Variants in CTNND2 observed in about 807,000 individuals in gnomAD.
The protein encoded by CTNND2 is catenin delta-2.
CTNND2 carries 22 observed loss-of-function variants against 144.4 expected under a neutral mutation model. The observed-to-expected ratio is 0.15, with a 90% CI of 0.11 to 0.22. The LOEUF is 0.22. CTNND2 is among the 10% of genes least tolerant of loss of function. The pLI is 1.00. For synonymous variants in CTNND2, 751 were observed against 695.6 expected (o/e 1.08, Z -1.25); for missense variants, 1,353 against 1,618.8 (o/e 0.84, Z 2.82).
intron 3 of CTNND2, among the ~76,000 whole-genome samples, chr5:11,444,152 A>T (rs919821374): frequency 1.3e-5 from 2 of 152,186 alleles, no homozygotes; most frequent in African/African-American, 4.8e-5. Context: ...GTAACAGATA[A>T]CTCAACTGAC....
intron 10 of CTNND2, among the ~76,000 whole-genome samples, chr5:11,204,633 G>T (rs1174662881): frequency 6.6e-6 from 1 of 152,064 alleles, no homozygotes; most frequent in South Asian, 2.1e-4. Flanking sequence ...CAATGAATTA[G>T]CTATCATCAT....
chr5:11,396,887 C>G, intron 6 of CTNND2, 144 bp downstream of exon 6: 1 of 682,856 alleles, frequency 1.5e-6, no homozygotes, highest in Non-Finnish European at 2.5e-6. Flanking sequence ...TCATTCACAG[C>G]ACCAAAGGGC....
At chr5:11,705,062 T>G (rs762186476) in intron 2 of CTNND2, among the ~76,000 whole-genome samples, 4 of 151,938 alleles carry the variant, frequency 2.6e-5, no homozygotes, top group Non-Finnish European at 5.9e-5. Flanking sequence ...TGTCTGAAGA[T>G]AAATCCAGAA....
intron 18 of CTNND2, among the ~76,000 whole-genome samples, chr5:11,016,182 C>T (rs763131311): frequency 1.1e-4 from 17 of 152,190 alleles, no homozygotes; most frequent in Middle Eastern, 3.4e-3. Context: ...TGCTATCTGC[C>T]GCAGTCCTGG....
At chr5:11,147,425 C>T (rs1040518839) in intron 12 of CTNND2, among the ~76,000 whole-genome samples, 2 of 152,108 alleles carry the variant, frequency 1.3e-5, no homozygotes, top group South Asian at 2.1e-4. Flanking sequence ...AAGACCTCAA[C>T]GTATAGAACA....
intron 3 of CTNND2, among the ~76,000 whole-genome samples, chr5:11,465,302 C>CTTT (rs538279094): frequency 1.4e-5 from 2 of 139,426 alleles, no homozygotes; most frequent in African/African-American, 2.6e-5. Flanking sequence ...CAAAACTGAA[C>CTTT]TTTTTTTTTT....
chr5:11,526,554 G>A (rs144563887), intron 3 of CTNND2, among the ~76,000 whole-genome samples: 6 of 152,100 alleles, frequency 3.9e-5, no homozygotes, highest in Non-Finnish European at 5.9e-5. Flanking sequence ...GTAGAATCAC[G>A]CCAGCCACCA....
At chr5:11,780,467 G>A (rs533323679) in intron 1 of CTNND2, among the ~76,000 whole-genome samples, 9 of 152,214 alleles carry the variant, frequency 5.9e-5, no homozygotes, top group Non-Finnish European at 1.3e-4. Flanking sequence ...AGCAAACTTT[G>A]CCCACAGCCA....
intron 6 of CTNND2, among the ~76,000 whole-genome samples, chr5:11,386,414 GT>G (rs1259059839): frequency 6.6e-6 from 1 of 152,162 alleles, no homozygotes; most frequent in Non-Finnish European, 1.5e-5. Context: ...CTCTCTACCC[GT>G]TCTGGAATGG....
intron 2 of CTNND2, among the ~76,000 whole-genome samples, chr5:11,719,299 G>A (rs974180231): frequency 3.9e-5 from 6 of 152,114 alleles, no homozygotes; most frequent in East Asian, 1.9e-4. Flanking sequence ...CGAGTGTCAC[G>A]TAGCTTACTC....
At position 11,829,841 on chromosome 5, in the gene CTNND2, C is replaced by T. The variant is rs7725777; in HGVS notation, c.37+73976G>A. 8.7e-3 allele frequency among the ~76,000 whole-genome samples: 1,322 copies of T among 152,266 alleles called. 25 individuals are homozygous for T. Among genetic ancestry groups the T allele is most frequent in the African/African-American group, 0.03 (1,235 of 41,548 alleles). The stretch of plus-strand genomic sequence containing the variant: ...GGTTTGCACCACACACCTCGAAAAG[C>T]CACAGACACTCAAAGTAAGCCTGGG... On this transcript the variant is annotated intron_variant, in intron 1 of 21. Transcript: ENST00000304623.
chr5:11,095,361 T>C (rs1471078325), intron 15 of CTNND2, among the ~76,000 whole-genome samples: 1 of 152,236 alleles, frequency 6.6e-6, no homozygotes, highest in South Asian at 2.1e-4. Context: ...TTACATTGTA[T>C]TGACAGTATA....
chr5:11,309,935 T>A (rs1159513584), intron 9 of CTNND2, among the ~76,000 whole-genome samples: 1 of 152,138 alleles, frequency 6.6e-6, no homozygotes, highest in Non-Finnish European at 1.5e-5. Flanking sequence ...AAGATGTGCC[T>A]GCTTCCCCTC....
chr5:11,877,809 A>T (rs1017246221), intron 1 of CTNND2, among the ~76,000 whole-genome samples: 3 of 152,158 alleles, frequency 2.0e-5, no homozygotes, highest in Non-Finnish European at 4.4e-5. Context: ...TCTGAAGGAC[A>T]AAAAGACTTT....
chr5:11,502,027 CAAA>C (rs547364682), intron 3 of CTNND2, among the ~76,000 whole-genome samples: 37 of 57,258 alleles, frequency 6.5e-4, no homozygotes, highest in African/African-American at 1.6e-3. Context: ...GACTCCATCT[CAAA>C]AAAAAAAAAA....
intron 16 of CTNND2, among the ~76,000 whole-genome samples, chr5:11,043,388 T>C (rs1744889519): frequency 6.6e-6 from 1 of 152,184 alleles, no homozygotes; most frequent in Non-Finnish European, 1.5e-5. Flanking sequence ...AGCATTCATA[T>C]TGTAGGCTTA....
At position 11,045,720 on chromosome 5, in the gene CTNND2, C is replaced by T. The variant is rs796217484; in HGVS notation, c.2789-22741G>A. Among the ~76,000 whole-genome samples, 14 of 152,258 alleles carry T rather than the reference C, an allele frequency of 9.2e-5. 1 individual carries two copies. The highest frequency in any genetic ancestry group is 3.4e-4 in the African/African-American group (14 of 41,532). The stretch of plus-strand genomic sequence containing the variant: ...TCTAGGATGATCTCATCTCAAGACC[C>T]TTAACTTAATTGTATCTGCAAATAC... On this transcript the variant is annotated intron_variant, in intron 16 of 21. Transcript: ENST00000304623.
chr5:10,984,918 A>G (rs1035779658), intron 20 of CTNND2, among the ~76,000 whole-genome samples: 1 of 151,824 alleles, frequency 6.6e-6, no homozygotes, highest in Non-Finnish European at 1.5e-5. Flanking sequence ...TACTAAAAAT[A>G]TAAAAATTAG....
At chr5:11,552,629 C>A (rs535878123) in intron 3 of CTNND2, among the ~76,000 whole-genome samples, 1 of 152,160 alleles carries the variant, frequency 6.6e-6, no homozygotes, top group Non-Finnish European at 1.5e-5. Context: ...CTTAAAGGCA[C>A]GCCTTAAATG....
Sources: allele counts gnomAD v4.1 joint callset (sites outside exome capture counted in the v4.1 genomes callset), GRCh38; gene constraint gnomAD v4.1.1; transcripts MANE v1.5; gene names NCBI Gene and HGNC (gene_info 2026-07-23, HGNC 2026-07-21).